The following PDE10A variants were observed in gnomAD, a reference collection of about 807,000 sequenced individuals.
PDE10A encodes the protein phosphodiesterase 10A, also known as cAMP and cAMP-inhibited cGMP 3',5'-cyclic phosphodiesterase 10A.
Under a neutral mutation model 97.7 loss-of-function variants are expected in PDE10A, and 39 were observed. The observed-to-expected ratio is 0.40, with a 90% CI of 0.31 to 0.52. The LOEUF is 0.52. PDE10A is among the 20% of genes least tolerant of loss of function. The pLI is 0.56. For missense variants in PDE10A, 731 were observed against 1,047.8 expected, an observed-to-expected ratio of 0.70 and a Z score of 4.17; for synonymous variants, 371 against 376.8, an observed-to-expected ratio of 0.98 and a Z score of 0.18.
At chr6:165,605,181 G>T (rs1486117171) in intron 1 of PDE10A, among the ~76,000 whole-genome samples, 1 of 151,986 alleles carries the variant, frequency 6.6e-6, no homozygotes, top group African/African-American at 2.4e-5. Flanking sequence ...CCACCAGTTG[G>T]CTTCCTTCCT....
intron 20 of PDE10A, among the ~76,000 whole-genome samples, chr6:165,337,554 T>A (rs971010653): frequency 5.3e-5 from 8 of 152,190 alleles, no homozygotes; most frequent in African/African-American, 1.9e-4. Flanking sequence ...GGGCACAAGA[T>A]CCCAGAAAAG....
chr6:165,529,536 C>G (rs1046138106), intron 2 of PDE10A, among the ~76,000 whole-genome samples: 1 of 152,172 alleles, frequency 6.6e-6, no homozygotes, highest in South Asian at 2.1e-4. Context: ...GTCATCATAC[C>G]AGCTACGACC....
intron 3 of PDE10A, among the ~76,000 whole-genome samples, chr6:165,473,411 C>CA (rs1223609044): frequency 6.6e-6 from 1 of 152,122 alleles, no homozygotes; most frequent in African/African-American, 2.4e-5. Context: ...GAACAGGATC[C>CA]AAGCCCAGGT....
chr6:165,599,895 G>A (rs994535970), intron 1 of PDE10A, among the ~76,000 whole-genome samples: 3 of 152,080 alleles, frequency 2.0e-5, no homozygotes, highest in South Asian at 4.1e-4. Flanking sequence ...TCCTTAGATT[G>A]CTTTCTTTCT....
At chr6:165,693,680 G>C (rs1478304732) in intron 1 of PDE10A, among the ~76,000 whole-genome samples, 1 of 151,866 alleles carries the variant, frequency 6.6e-6, no homozygotes, top group Non-Finnish European at 1.5e-5. Context: ...TTAGTAATTG[G>C]TGTTGAGAAC....
chr6:165,791,912 T>C (rs1778665654), intron 1 of PDE10A, among the ~76,000 whole-genome samples: 1 of 152,220 alleles, frequency 6.6e-6, no homozygotes, highest in Non-Finnish European at 1.5e-5. Context: ...TCTACTTGCC[T>C]TGGGGTCCGA....
At chr6:165,736,004 T>C (rs1340322841) in intron 1 of PDE10A, among the ~76,000 whole-genome samples, 2 of 152,238 alleles carry the variant, frequency 1.3e-5, no homozygotes, top group Admixed American at 1.3e-4. Context: ...TGAGGAAAAA[T>C]AAGCATTAAC....
intron 1 of PDE10A, among the ~76,000 whole-genome samples, chr6:165,914,425 T>A (rs1423591413): frequency 2.6e-5 from 4 of 152,244 alleles, no homozygotes; most frequent in Non-Finnish European, 1.5e-5. Flanking sequence ...ACATCATTCC[T>A]TTTCACAAGG....
chr6:165,748,299 T>C (rs1161807840), intron 1 of PDE10A, among the ~76,000 whole-genome samples: 1 of 152,220 alleles, frequency 6.6e-6, no homozygotes, highest in Non-Finnish European at 1.5e-5. Flanking sequence ...GATGGCTCTT[T>C]CCCTGAATAT....
intron 1 of PDE10A, among the ~76,000 whole-genome samples, chr6:165,646,149 C>T (rs1265403229): frequency 3.3e-5 from 5 of 152,228 alleles, no homozygotes; most frequent in Non-Finnish European, 2.9e-5. Flanking sequence ...CACTGCAGCT[C>T]TGTCCCCACC....
intron 5 of PDE10A, among the ~76,000 whole-genome samples, chr6:165,436,390 CT>C (rs1285918375): frequency 2.6e-5 from 4 of 152,092 alleles, no homozygotes. Flanking sequence ...AGAACTCTTT[CT>C]TTAAACATCT....
At chr6:165,447,273 G>T (rs1583301691) in intron 5 of PDE10A, among the ~76,000 whole-genome samples, 1 of 152,204 alleles carries the variant, frequency 6.6e-6, no homozygotes, top group African/African-American at 2.4e-5. Context: ...CACAGGGCAG[G>T]AGAGACCAGC....
chr6:165,866,806 A>C (rs1332266937), intron 1 of PDE10A, among the ~76,000 whole-genome samples: 2 of 151,996 alleles, frequency 1.3e-5, no homozygotes, highest in Non-Finnish European at 2.9e-5. Flanking sequence ...GAAAGAAAAA[A>C]AAAAACCTGC....
rs528406834 is a variant in PDE10A at position 165,610,195 on chromosome 6, A to C, written c.865+51752T>G. Among the ~76,000 whole-genome samples the C allele has an allele frequency of 2.6e-4, 39 of 152,338 alleles. 1 individual carries two copies. Among genetic ancestry groups the C allele is most frequent in the African/African-American group, 8.7e-4 (36 of 41,584 alleles). ...AATGGAACAGAACAGAGCCCTCAGA[A>C]ATAATACCACACATCTACAACTATC... On this transcript the variant is annotated intron_variant, in intron 1 of 21. Transcript: ENST00000539869.
intron 3 of PDE10A, among the ~76,000 whole-genome samples, chr6:165,474,147 G>A (rs1447448665): frequency 2.0e-5 from 3 of 152,134 alleles, no homozygotes; most frequent in Non-Finnish European, 2.9e-5. Flanking sequence ...TCTGAGAGGG[G>A]ATACATTTGA....
At chr6:165,436,248 T>A (rs1790008365) in intron 5 of PDE10A, among the ~76,000 whole-genome samples, 1 of 152,178 alleles carries the variant, frequency 6.6e-6, no homozygotes, top group South Asian at 2.1e-4. Flanking sequence ...CTTGAAGCAA[T>A]AAGTATTAGA....
At chr6:165,462,848 C>G (rs1171426651) in intron 3 of PDE10A, among the ~76,000 whole-genome samples, 3 of 152,208 alleles carry the variant, frequency 2.0e-5, no homozygotes, top group African/African-American at 7.2e-5. Flanking sequence ...TCAATCTTGG[C>G]TGGCAATAAT....
chr6:165,849,070 A>C (rs1392416302), intron 1 of PDE10A, among the ~76,000 whole-genome samples: 7 of 152,266 alleles, frequency 4.6e-5, no homozygotes, highest in Non-Finnish European at 7.3e-5. Context: ...CAATGCACAC[A>C]TCATGAATCA....
chr6:165,842,907 T>C (rs1211692491), intron 1 of PDE10A, among the ~76,000 whole-genome samples: 1 of 152,356 alleles, frequency 6.6e-6, no homozygotes, highest in Non-Finnish European at 1.5e-5. Context: ...GCACAGTTTA[T>C]TCCACTTCCT....
Sources: allele counts gnomAD v4.1 joint callset (sites outside exome capture counted in the v4.1 genomes callset), GRCh38; gene constraint gnomAD v4.1.1; transcripts MANE v1.5; gene names NCBI Gene and HGNC (gene_info 2026-07-23, HGNC 2026-07-21).